The following UQCR11 variants were observed in gnomAD, a reference collection of about 807,000 sequenced individuals.
UQCR11 encodes cytochrome b-c1 complex subunit 10.
A neutral mutation model predicts 7.6 loss-of-function variants in UQCR11; 10 were observed. That is an observed-to-expected ratio of 1.31 (90% CI 0.81 to 2.22). The LOEUF is 2.22. Ranked by LOEUF, UQCR11 falls within the 30% of genes most tolerant of loss-of-function variation. The pLI, the probability that UQCR11 is intolerant of heterozygous loss-of-function variation, is 0.00. For synonymous variants in UQCR11, 34 were observed against 34.9 expected, an observed-to-expected ratio of 0.97 and a Z score of 0.09; for missense variants, 86 against 75.1, an observed-to-expected ratio of 1.15 and a Z score of -0.54.
chr19:1,604,491 C>T (rs896579093), intron 1 of UQCR11, among the ~76,000 whole-genome samples: 2 of 151,514 alleles, frequency 1.3e-5, no homozygotes, highest in African/African-American at 4.9e-5. Flanking sequence ...GATCACAGGC[C>T]GGAGCCACTG....
Position 1,605,411 on chromosome 19 carries a change from G to A in UQCR11, c.-2C>T, listed in dbSNP as rs754398358. 3 of 1,570,686 alleles carry A rather than the reference G, an allele frequency of 1.9e-6. No individual in the cohort carries two copies. Among genetic ancestry groups the A allele is most frequent in the East Asian group, 5.0e-5 (2 of 40,016 alleles). On this transcript the variant is annotated 5_prime_UTR_variant, in exon 1 of 3. Transcript: ENST00000591899. The stretch of plus-strand genomic sequence containing the variant: ...TGGGCCCAGGAACCGGGTCACCATC[G>A]CGGCGGAGTCGCACCCTCAGGATGA...
At chr19:1,601,825 C>G (rs1236383098) in intron 1 of UQCR11, among the ~76,000 whole-genome samples, 1 of 152,142 alleles carries the variant, frequency 6.6e-6, no homozygotes, top group African/African-American at 2.4e-5. Flanking sequence ...CACTAGATAA[C>G]AATTGCAGGT....
At chr19:1,599,040 C>T in intron 2 of UQCR11, 1 of 238,594 alleles carries the variant, frequency 4.2e-6, no homozygotes, top group Non-Finnish European at 8.4e-6. Flanking sequence ...CTTCCAAGAG[C>T]TCATGGGGTG....
chr19:1,600,818 T>C (rs1028220233), intron 1 of UQCR11, among the ~76,000 whole-genome samples: 1 of 152,102 alleles, frequency 6.6e-6, no homozygotes, highest in Non-Finnish European at 1.5e-5. Flanking sequence ...AGGCTGTGGC[T>C]ACACCAACTG....
At chr19:1,601,136 T>G (rs956232984) in intron 1 of UQCR11, among the ~76,000 whole-genome samples, 6 of 151,802 alleles carry the variant, frequency 4.0e-5, no homozygotes, top group Admixed American at 3.9e-4. Context: ...ACCATTGCTC[T>G]CTAGCCTGGG....
At chr19:1,599,709 G>T in intron 1 of UQCR11, 149 bp from the exon 2 acceptor site, 1 of 1,271,604 alleles carries the variant, frequency 7.9e-7, no homozygotes, top group Non-Finnish European at 1.1e-6. Context: ...CCTGAGGGCT[G>T]GCACCAGCAG....
At chr19:1,603,887 C>T (rs962092476) in intron 1 of UQCR11, among the ~76,000 whole-genome samples, 2 of 152,228 alleles carry the variant, frequency 1.3e-5, no homozygotes, top group Non-Finnish European at 2.9e-5. Flanking sequence ...ACCTGTCCCC[C>T]AGTCTGGGAT....
intron 1 of UQCR11, among the ~76,000 whole-genome samples, chr19:1,601,325 G>A (rs1447102099): frequency 2.6e-5 from 4 of 152,120 alleles, no homozygotes; most frequent in Middle Eastern, 3.2e-3. Flanking sequence ...AATGAGGGCC[G>A]GGCATGGTGG....
chr19:1,603,300 G>A lies in UQCR11; in HGVS notation c.50+2060C>T, dbSNP rs552925302. Among the ~76,000 whole-genome samples the A allele has an allele frequency of 2.6e-5, 4 of 152,244 alleles. No homozygotes were observed. In the South Asian group the frequency reaches 8.3e-4, roughly 32 times the overall value. On this transcript the variant is annotated intron_variant, in intron 1 of 2. Transcript: ENST00000591899. ...TCTATTGGCGCGTCCCTAACACATA[G>A]TAGGTGCTCAATAAATGTTGGGCTG...
chr19:1,600,459 C>T (rs1052758029), intron 1 of UQCR11, among the ~76,000 whole-genome samples: 4 of 152,184 alleles, frequency 2.6e-5, no homozygotes, highest in Middle Eastern at 3.4e-3. Flanking sequence ...GTGATCCGCC[C>T]GCCTCGGCCT....
At chr19:1,599,312 G>C (rs1162510424) in intron 2 of UQCR11, 100 bp downstream of exon 2, 10 of 1,495,380 alleles carry the variant, frequency 6.7e-6, no homozygotes, top group Non-Finnish European at 9.0e-7. Context: ...AGGGGGAGCA[G>C]TGAGGGCTGC....
chr19:1,602,633 G>C (rs1305886871), intron 1 of UQCR11, among the ~76,000 whole-genome samples: 4 of 152,128 alleles, frequency 2.6e-5, no homozygotes, highest in Non-Finnish European at 4.4e-5. Flanking sequence ...TGTATTTTTA[G>C]TAGAGACAGG....
chr19:1,599,955 G>A (rs1238901246), intron 1 of UQCR11, among the ~76,000 whole-genome samples: 8 of 152,258 alleles, frequency 5.3e-5, no homozygotes, highest in Non-Finnish European at 1.2e-4. Flanking sequence ...CCCAGGCGAG[G>A]ACACCAAACA....
At chr19:1,603,700 A>C (rs534284567) in intron 1 of UQCR11, among the ~76,000 whole-genome samples, 6 of 152,356 alleles carry the variant, frequency 3.9e-5, no homozygotes, top group South Asian at 2.1e-4. Context: ...AACACAGAAG[A>C]AGCAGACCTG....
chr19:1,601,935 G>A (rs2060748419), intron 1 of UQCR11: 1 of 152,196 alleles, frequency 6.6e-6, no homozygotes, highest in South Asian at 2.1e-4. Flanking sequence ...GCCGAGGCGG[G>A]TGGATCACCT....
Position 1,599,619 on chromosome 19 carries a change from C to T in UQCR11, c.51-59G>A, listed in dbSNP as rs1274238398. On this transcript the variant is annotated intron_variant, in intron 1 of 2. Transcript: ENST00000591899. ...TGGACCCTTTCTCCAAGACCCTCTC[C>T]TGCCCACCCCGGCCCCCCGTCCTGA... The T allele has an allele frequency of 4.4e-6, 7 of 1,590,008 alleles. No homozygotes were observed. In the East Asian group the frequency reaches 1.6e-4, roughly 36 times the overall value.
chr19:1,603,160 G>A (rs1433228397), intron 1 of UQCR11, among the ~76,000 whole-genome samples: 4 of 152,180 alleles, frequency 2.6e-5, no homozygotes, highest in East Asian at 1.9e-4. Context: ...TCGCACGCAC[G>A]TGTCTGCACC....
At chr19:1,602,533 C>A (rs2060750348) in intron 1 of UQCR11, 1 of 152,152 alleles carries the variant, frequency 6.6e-6, no homozygotes, top group African/African-American at 2.4e-5. Flanking sequence ...CTCACGGCAA[C>A]CCCCGCCTCC....
intron 2 of UQCR11, among the ~76,000 whole-genome samples, chr19:1,598,704 C>T (rs765442740): frequency 1.3e-5 from 2 of 152,138 alleles, no homozygotes; most frequent in Non-Finnish European, 2.9e-5. Flanking sequence ...AGCGAGACTC[C>T]GTCTCAAAAA....
Sources: gnomAD v4.1 joint callset for allele counts (sites outside exome capture counted in the v4.1 genomes callset) on GRCh38, gnomAD v4.1.1 for gene constraint, MANE v1.5 for transcripts, NCBI Gene and HGNC (gene_info 2026-07-23, HGNC 2026-07-21) for gene names.